Variants in KCNQ1 observed in about 807,000 individuals in gnomAD.
KCNQ1 encodes the protein potassium voltage-gated channel subfamily KQT member 1.
Under a neutral mutation model 72.4 loss-of-function variants are expected in KCNQ1, and 49 were observed. The observed-to-expected ratio is 0.68, with a 90% CI of 0.54 to 0.86. The LOEUF is 0.86. KCNQ1 is among the 40% of genes least tolerant of loss of function. The pLI is 0.00. For missense variants in KCNQ1, 790 were observed against 945.1 expected (o/e 0.84, Z 2.15); for synonymous variants, 450 against 412.6 (o/e 1.09, Z -1.10).
At chr11:2,686,311 G>A (rs993950829) in intron 11 of KCNQ1, 1 of 398,578 alleles carries the variant, frequency 2.5e-6, no homozygotes, top group Admixed American at 4.4e-5. Flanking sequence ...CCACACTAGT[G>A]TCACCTGGCC....
intron 1 of KCNQ1, among the ~76,000 whole-genome samples, chr11:2,470,973 C>G (rs1846442900): frequency 6.6e-6 from 1 of 152,080 alleles, no homozygotes; most frequent in African/African-American, 2.4e-5. Flanking sequence ...AGGTTTCACA[C>G]TGAGGTGGAT....
In KCNQ1 at chr11:2,473,235, C is replaced by T. The variant is rs920083128; in HGVS notation, c.386+27751C>T. ...GGGTGGGGCTGGCAGGGAGGGGGCT[C>T]CATTAATTCTGATGTCATTTATTGC... On this transcript the variant is annotated intron_variant, in intron 1 of 15. Transcript: ENST00000155840. This position sits in a 1 kb window ranked among gnomAD's most constrained non-coding sequence, Gnocchi z 6.0. Among the ~76,000 whole-genome samples, 1 of 151,990 alleles carries T rather than the reference C, an allele frequency of 6.6e-6. No individual in the cohort carries two copies. The highest frequency in any genetic ancestry group is 1.5e-5 in the Non-Finnish European group (1 of 67,986).
At chr11:2,574,509 C>A (rs1323239938) in intron 6 of KCNQ1, among the ~76,000 whole-genome samples, 1 of 152,148 alleles carries the variant, frequency 6.6e-6, no homozygotes, top group Non-Finnish European at 1.5e-5. Context: ...CGTGGTGGTG[C>A]CAGGACCCAG....
intron 15 of KCNQ1, among the ~76,000 whole-genome samples, chr11:2,837,246 T>G (rs1848087614): frequency 6.6e-6 from 1 of 152,044 alleles, no homozygotes; most frequent in Admixed American, 6.5e-5. Context: ...CACAGCAGGC[T>G]GTGGGCGTGG....
chr11:2,620,218 T>TTTTA lies in KCNQ1; in HGVS notation c.1393+31367_1393+31368insATTT, dbSNP rs1849145239. ...ATTCATGTATATATATATATTTTTT[T>TTTTA]TTTTTATTTTTTTTTTAGACGGAGT... On this transcript the variant is annotated intron_variant, in intron 10 of 15. Coordinates refer to ENST00000155840, the MANE Select transcript of KCNQ1 (RefSeq NM_000218.3). The surrounding 1 kb of genome is among the most constrained non-coding windows in gnomAD (Gnocchi z 4.5). The TTTTA allele has an allele frequency of 3.5e-6, 1 of 282,644 alleles. No homozygotes were observed. Among genetic ancestry groups the TTTTA allele is most frequent in the African/African-American group, 2.2e-5 (1 of 44,750 alleles). 17.5% of individuals were successfully genotyped at this position (282,644 alleles called of 1,614,324 possible). A position where few individuals can be genotyped will look rare whatever the true frequency, so the allele number is the denominator to read the frequency against.
Position 2,528,015 on chromosome 11 carries a change from G to C in KCNQ1, c.474G>C (p.Trp158Cys). 1 of 1,612,136 alleles carries C rather than the reference G, an allele frequency of 6.2e-7. No individual in the cohort carries two copies. The highest frequency in any genetic ancestry group is 1.3e-5 in the African/African-American group (1 of 75,012). Residue 158 changes from tryptophan (W) to cysteine (C), a missense_variant, in exon 2 of 16, where the codon TGG becomes TGC. Physicochemically the swap from Trp to Cys is radical, Grantham distance 215. Around this residue, in one of 5 missense-constraint regions of KCNQ1, gnomAD observed 294 missense variants for 323.3 expected, o/e 0.91. Transcript: ENST00000155840. ...YAALATGTLFWMEIVLVVFFG... is the reference protein window; with the variant it reads ...YAALATGTLFCMEIVLVVFFG... ...CCCTGGCCACGGGGACTCTCTTCTGGATGGTACGTAGCATCTGAGGGCATG... is the reference window on the plus strand; with the variant it reads ...CCCTGGCCACGGGGACTCTCTTCTGCATGGTACGTAGCATCTGAGGGCATG...
intron 10 of KCNQ1, chr11:2,609,331 C>G (rs1848936975): frequency 5.0e-6 from 2 of 398,192 alleles, no homozygotes; most frequent in African/African-American, 2.1e-5. Flanking sequence ...GTATGTTTCC[C>G]TAATTTCTTT....
rs573246391 is a variant in KCNQ1 at position 2,684,773 on chromosome 11, C to G, written c.1514+22692C>G. 7.5e-6 allele frequency: 3 copies of G among 398,656 alleles called. No individual in the cohort carries two copies. The South Asian group carries it at 3.8e-4, about 51-fold the overall frequency. 24.7% of individuals were successfully genotyped at this position (398,656 alleles called of 1,614,324 possible). ...AAAGGGGTAAGGGAGGACTGCCTCC[C>G]AGCCTTCCCTCCCCACTGGTCTGGG... On this transcript the variant is annotated intron_variant, in intron 11 of 15. Transcript: ENST00000155840.
At chr11:2,776,204 T>C (rs752040082) in intron 13 of KCNQ1, 150 bp downstream of exon 13, 398 of 693,088 alleles carry the variant, frequency 5.7e-4, no homozygotes, top group Non-Finnish European at 8.4e-4. Flanking sequence ...CCCCCAGCCC[T>C]GCAGAGGGAG....
At position 2,588,756 on chromosome 11, in the gene KCNQ1, C is replaced by T. The variant is rs751644427; in HGVS notation, c.1295C>T (p.Thr432Ile). 4.3e-6 allele frequency: 7 copies of T among 1,613,656 alleles called. No homozygotes were observed. In the South Asian group the frequency reaches 4.4e-5, roughly 10 times the overall value. The change falls in exon 10 of 16, where the codon ACT becomes ATT. Residue 432 changes from threonine to isoleucine, a missense_variant. Transcript: ENST00000155840. This position sits in a 1 kb window ranked among gnomAD's most constrained non-coding sequence, Gnocchi z 5.6. ...AAGCTGGACAAAGACAATGGGGTGA[C>T]TCCTGGAGAGAAGATGCTCACAGTC... is the stretch of plus-strand genomic sequence containing the variant. Reference protein sequence around the residue: ...KFKLDKDNGVTPGEKMLTVPH... With the variant: ...KFKLDKDNGVIPGEKMLTVPH...
chr11:2,724,734 G>A lies in KCNQ1; in HGVS notation c.1515-44110G>A, dbSNP rs1845727418. ...GTGGGGACCTGCCCAAGGAGACACA[G>A]GCAACAGAACCAGGGCTCAGAGTTG... On this transcript the variant is annotated intron_variant, in intron 11 of 15. Coordinates refer to ENST00000155840, the MANE Select transcript of KCNQ1 (RefSeq NM_000218.3). This position sits in a 1 kb window ranked among gnomAD's most constrained non-coding sequence, Gnocchi z 6.8. Among the ~76,000 whole-genome samples, 2 of 152,170 alleles carry A rather than the reference G, an allele frequency of 1.3e-5. No individual in the cohort carries two copies. The highest frequency in any genetic ancestry group is 4.8e-5 in the African/African-American group (2 of 41,456).
intron 11 of KCNQ1, among the ~76,000 whole-genome samples, chr11:2,747,064 C>T (rs1034116349): frequency 4.6e-5 from 7 of 152,184 alleles, no homozygotes; most frequent in Admixed American, 1.3e-4. Context: ...GGGGCTCTGG[C>T]GGGGTCCTGG....
chr11:2,646,623 T>G, intron 10 of KCNQ1: 1 of 398,674 alleles, frequency 2.5e-6, no homozygotes. Flanking sequence ...CCTCCGAGGT[T>G]CAAGTGATCC....
At chr11:2,572,162 G>A in intron 5 of KCNQ1, 53 bp downstream of exon 5, 7 of 1,373,270 alleles carry the variant, frequency 5.1e-6, no homozygotes, top group Non-Finnish European at 6.1e-6. Flanking sequence ...AGGACGGAGG[G>A]AGCAGAGCAG....
rs199869202 is a variant in KCNQ1, at chr11:2,498,731, AC to A, written c.387-29196del. On this transcript the variant is annotated intron_variant, in intron 1 of 15. Transcript: ENST00000155840. The surrounding 1 kb of genome is among the most constrained non-coding windows in gnomAD (Gnocchi z 4.8). ...CTGGGGTTCCAGGCACCACTGGGGT[AC>A]AGAAAAAACTCCTGCAGCTAGTTCA... is the stretch of plus-strand genomic sequence containing the variant. Among the ~76,000 whole-genome samples, 3,263 of 152,302 alleles carry A rather than the reference AC, an allele frequency of 0.021. 113 individuals are homozygous for A. Among genetic ancestry groups the A allele is most frequent in the African/African-American group, 0.07 (2,919 of 41,544 alleles).
rs1285577490 is a variant in KCNQ1 at position 2,808,605 on chromosome 11, T to C, written c.1794+30568T>C. Among the ~76,000 whole-genome samples the C allele has an allele frequency of 6.6e-6, 1 of 152,206 alleles. No individual in the cohort carries two copies. Among genetic ancestry groups the C allele is most frequent in the Non-Finnish European group, 1.5e-5 (1 of 68,034 alleles). On this transcript the variant is annotated intron_variant, in intron 15 of 15. Coordinates refer to ENST00000155840, the MANE Select transcript of KCNQ1 (RefSeq NM_000218.3). The surrounding 1 kb of genome is among the most constrained non-coding windows in gnomAD (Gnocchi z 6.0). ...GTAGGTTGGTTGATTGAGTGATTGA[T>C]TGATTGATAATCTTGGTTCTATTTG... is the stretch of plus-strand genomic sequence containing the variant.
chr11:2,521,333 G>A (rs372810504), intron 1 of KCNQ1: 10 of 324,826 alleles, frequency 3.1e-5, no homozygotes, highest in East Asian at 8.9e-5. Flanking sequence ...GGTGGATTTC[G>A]CTGCTCTGGG....
rs74462309 is a variant in KCNQ1 at position 2,583,457 on chromosome 11, A to T, written c.944A>T (p.Tyr315Phe). Reference sequence around the variant, plus strand: ...CAGGTCACAGTCACCACCATCGGCTATGGGGACAAGGTGCCCCAGACGTGG... The same window carrying T: ...CAGGTCACAGTCACCACCATCGGCTTTGGGGACAAGGTGCCCCAGACGTGG... Reference protein sequence around the residue: ...WGVVTVTTIGYGDKVPQTWVG... With the variant: ...WGVVTVTTIGFGDKVPQTWVG... The change falls in exon 7 of 16, where the codon TAT (tyrosine) becomes TTT (phenylalanine). Residue 315 changes from tyrosine to phenylalanine, a missense_variant. By Grantham distance (22) the Tyr-to-Phe change is conservative. Coordinates refer to ENST00000155840, the MANE Select transcript of KCNQ1 (RefSeq NM_000218.3). 1.2e-6 allele frequency: 2 copies of T among 1,613,344 alleles called. No homozygotes were observed. Among genetic ancestry groups the T allele is most frequent in the Admixed American group, 1.7e-5 (1 of 60,006 alleles).
At chr11:2,722,722 A>G (rs1845690064) in intron 11 of KCNQ1, among the ~76,000 whole-genome samples, 1 of 151,982 alleles carries the variant, frequency 6.6e-6, no homozygotes, top group Admixed American at 6.5e-5. Context: ...AGGCTATGGC[A>G]GCCTCTTGGA....
Sources: gnomAD v4.1 joint callset for allele counts (sites outside exome capture counted in the v4.1 genomes callset) on GRCh38, gnomAD v4.1.1 for gene constraint, gnomAD v4.1.1 regional missense constraint, Gnocchi (gnomAD v3.1) non-coding constraint, MANE v1.5 for transcripts, NCBI Gene and HGNC (gene_info 2026-07-23, HGNC 2026-07-21) for gene names.